PRKN: variants seen among roughly 807,000 people sequenced by gnomAD.
PRKN encodes the protein E3 ubiquitin-protein ligase parkin.
In PRKN, 56 loss-of-function variants were observed where a neutral mutation model predicts 59.5. The observed-to-expected ratio is 0.94, with a 90% confidence interval of 0.76 to 1.18. The LOEUF (loss-of-function observed/expected upper bound fraction) is 1.18. Ranked by LOEUF, PRKN falls within the 50% of genes most tolerant of loss-of-function variation. The pLI is 0.00. For synonymous variants in PRKN, 250 were observed against 222.1 expected (o/e 1.13, Z -1.12); for missense variants, 657 against 596.4 (o/e 1.10, Z -1.06).
chr6:161,684,027 T>C (rs1309204801), intron 7 of PRKN, among the ~76,000 whole-genome samples: 10 of 152,174 alleles, frequency 6.6e-5, no homozygotes, highest in Non-Finnish European at 1.2e-4. Context: ...AACACCCACA[T>C]TTAAATGTAA....
chr6:161,920,256 A>C (rs6920803), intron 6 of PRKN, among the ~76,000 whole-genome samples: 152,206 of 152,206 alleles, frequency 1, 76,103 homozygotes, highest in Non-Finnish European at 1. Flanking sequence ...TGGTTGTGCA[A>C]ACCTGTAATC....
At chr6:161,686,061 A>G (rs1447279743) in intron 7 of PRKN, among the ~76,000 whole-genome samples, 1 of 133,742 alleles carries the variant, frequency 7.5e-6, no homozygotes, top group East Asian at 2.3e-4. Context: ...TAAAAAGTAA[A>G]AAGTAGAAAA....
At chr6:162,501,788 A>G (rs1482750556) in intron 1 of PRKN, among the ~76,000 whole-genome samples, 1 of 152,132 alleles carries the variant, frequency 6.6e-6, no homozygotes, top group Non-Finnish European at 1.5e-5. Context: ...TTGCTGGGGC[A>G]CTAGTTGCCT....
At chr6:161,774,418 A>G (rs1382220447) in intron 7 of PRKN, among the ~76,000 whole-genome samples, 1 of 134,670 alleles carries the variant, frequency 7.4e-6, no homozygotes, top group East Asian at 2.3e-4. Context: ...ACACACACAC[A>G]CACACACACA....
At position 162,081,668 on chromosome 6, in the gene PRKN, G is replaced by A. The variant is rs183523263; in HGVS notation, c.535-27494C>T. ...TAAGGGACCTAGGATTTTCAAAATG[G>A]TAAATGAGTATTGTCTTCAACTTAA... is the stretch of plus-strand genomic sequence containing the variant. On this transcript the variant is annotated intron_variant, in intron 4 of 11. Transcript: ENST00000366898. 1.6e-4 allele frequency among the ~76,000 whole-genome samples: 24 copies of A among 152,188 alleles called. 1 individual carries two copies. In the East Asian group the frequency reaches 4.4e-3, roughly 28 times the overall value.
intron 1 of PRKN, chr6:162,569,413 C>A: frequency 1.5e-6 from 1 of 681,598 alleles, no homozygotes. Flanking sequence ...AGCTGAAGAA[C>A]ATGAAGCTGG....
intron 4 of PRKN, among the ~76,000 whole-genome samples, chr6:162,157,657 T>C (rs1261684339): frequency 6.6e-6 from 1 of 152,032 alleles, no homozygotes; most frequent in African/African-American, 2.4e-5. Flanking sequence ...GGATAATTTA[T>C]AATCTGCTAA....
At chr6:161,633,843 G>A (rs1435395507) in intron 7 of PRKN, among the ~76,000 whole-genome samples, 3 of 152,064 alleles carry the variant, frequency 2.0e-5, no homozygotes, top group Non-Finnish European at 4.4e-5. Flanking sequence ...CAGGTGCCAG[G>A]CAGCTGCTCA....
At chr6:162,218,004 T>C (rs76108692) in intron 3 of PRKN, among the ~76,000 whole-genome samples, 52 of 152,214 alleles carry the variant, frequency 3.4e-4, no homozygotes, top group African/African-American at 1.2e-3. Flanking sequence ...GATTGAGAGG[T>C]AGACATGTCC....
chr6:162,626,209 C>G (rs1370001379), intron 1 of PRKN, among the ~76,000 whole-genome samples: 1 of 152,104 alleles, frequency 6.6e-6, no homozygotes, highest in Non-Finnish European at 1.5e-5. Context: ...GGGGAATTTA[C>G]CACTGTTATG....
intron 7 of PRKN, among the ~76,000 whole-genome samples, chr6:161,617,634 T>C (rs1295265907): frequency 6.6e-6 from 1 of 152,182 alleles, no homozygotes; most frequent in Non-Finnish European, 1.5e-5. Flanking sequence ...ATGACAAACT[T>C]TAGTGAGATG....
chr6:161,643,392 G>C (rs1783811038), intron 7 of PRKN, among the ~76,000 whole-genome samples: 1 of 152,176 alleles, frequency 6.6e-6, no homozygotes, highest in African/African-American at 2.4e-5. Flanking sequence ...CAGAGGAACT[G>C]AAGGATGTTG....
intron 1 of PRKN, among the ~76,000 whole-genome samples, chr6:162,585,443 C>A (rs1336494110): frequency 4.6e-5 from 7 of 152,158 alleles, no homozygotes; most frequent in Admixed American, 3.3e-4. Flanking sequence ...CTGGAAAATT[C>A]TCTGGCTCCA....
rs950789749 is a variant in PRKN, at chr6:161,356,469, G to A, written c.1285+3619C>T. Among the ~76,000 whole-genome samples, 2 of 152,204 alleles carry A rather than the reference G, an allele frequency of 1.3e-5. No individual in the cohort carries two copies. The highest frequency in any genetic ancestry group is 2.9e-5 in the Non-Finnish European group (2 of 68,036). On this transcript the variant is annotated intron_variant, in intron 11 of 11. Coordinates refer to ENST00000366898, the MANE Select transcript of PRKN (RefSeq NM_004562.3). The surrounding 1 kb of genome is among the most constrained non-coding windows in gnomAD (Gnocchi z 7.8). ...GACATGGCCTTTGAGAAGTCTACAC[G>A]TCTATGTAGAGGACGGATCATAAAT... is the stretch of plus-strand genomic sequence containing the variant.
chr6:161,838,212 A>C (rs1467258977), intron 6 of PRKN, among the ~76,000 whole-genome samples: 1 of 152,246 alleles, frequency 6.6e-6, no homozygotes, highest in Non-Finnish European at 1.5e-5. Context: ...TATTATTACA[A>C]TATTTACTAG....
rs1395688325 is a variant in PRKN, at chr6:161,381,264, G to A, written c.1167+5530C>T. On this transcript the variant is annotated intron_variant, in intron 10 of 11. Transcript: ENST00000366898. ...AGGCAGAGTGACCAGTAAGAACAAT[G>A]GAAGCGCATTTCTGCTTCACTGGGA... Among the ~76,000 whole-genome samples the A allele has an allele frequency of 5.3e-5, 8 of 152,256 alleles. No homozygotes were observed. The East Asian group carries it at 1.5e-3, about 29-fold the overall frequency.
chr6:161,565,682 A>C (rs1200317653), intron 8 of PRKN, among the ~76,000 whole-genome samples: 2 of 152,038 alleles, frequency 1.3e-5, no homozygotes, highest in Non-Finnish European at 2.9e-5. Context: ...AGTCAATTAA[A>C]CCTCTTTCCT....
intron 1 of PRKN, among the ~76,000 whole-genome samples, chr6:162,463,447 T>C (rs546846037): frequency 2.0e-5 from 3 of 152,328 alleles, no homozygotes; most frequent in African/African-American, 7.2e-5. Context: ...GGGGTTTGTA[T>C]AGGAAGCATC....
intron 7 of PRKN, among the ~76,000 whole-genome samples, chr6:161,687,460 A>T (rs1046164055): frequency 2.1e-5 from 3 of 145,912 alleles, no homozygotes; most frequent in African/African-American, 5.1e-5. Context: ...TTTTTAAATT[A>T]AAAAAAAATG....
Sources: allele counts gnomAD v4.1 joint callset (sites outside exome capture counted in the v4.1 genomes callset), GRCh38; gene constraint gnomAD v4.1.1; non-coding constraint Gnocchi (gnomAD v3.1); transcripts MANE v1.5; gene names NCBI Gene and HGNC (gene_info 2026-07-23, HGNC 2026-07-21).